Variants in DSCAM observed in about 807,000 individuals in gnomAD.
The protein encoded by DSCAM is cell adhesion molecule DSCAM.
DSCAM carries 47 observed loss-of-function variants against 217.7 expected under a neutral mutation model. The ratio of observed to expected loss-of-function variants is 0.22; its 90% confidence interval spans 0.17 to 0.28. DSCAM has a LOEUF of 0.28. Ranked by LOEUF, DSCAM falls within the 10% of genes least tolerant of loss-of-function variation. The probability of loss-of-function intolerance (pLI) is 1.00; values close to 1 mark genes in which losing one functional copy is unlikely to be tolerated. For synonymous variants in DSCAM, 1,056 were observed against 1,015.3 expected (o/e 1.04, Z -0.76); for missense variants, 2,080 against 2,618.3 (o/e 0.79, Z 4.49).
chr21:40,390,242 T>C lies in DSCAM; in HGVS notation c.509-20997A>G, dbSNP rs116495713. ...TATTCAATCAAAAACTACATTTTTG[T>C]TCTTTTGACTCTTCTTCACTGCACA... is the stretch of plus-strand genomic sequence containing the variant. On this transcript the variant is annotated intron_variant, in intron 3 of 32. Transcript: ENST00000400454. Among the ~76,000 whole-genome samples the C allele has an allele frequency of 3.0e-3, 459 of 152,340 alleles. 2 individuals are homozygous for C. Among genetic ancestry groups the C allele is most frequent in the African/African-American group, 0.011 (448 of 41,574 alleles).
intron 3 of DSCAM, among the ~76,000 whole-genome samples, chr21:40,535,673 C>T (rs1220344387): frequency 6.6e-6 from 1 of 152,162 alleles, no homozygotes; most frequent in African/African-American, 2.4e-5. Context: ...GGATAAGAGC[C>T]AATCCTTGCC....
intron 29 of DSCAM, among the ~76,000 whole-genome samples, chr21:40,052,926 T>C (rs892771091): frequency 6.6e-6 from 1 of 152,196 alleles, no homozygotes; most frequent in Non-Finnish European, 1.5e-5. Context: ...CCTTGTGATA[T>C]GTTTCATACT....
At chr21:40,836,575 A>T (rs2092058400) in intron 1 of DSCAM, among the ~76,000 whole-genome samples, 1 of 152,186 alleles carries the variant, frequency 6.6e-6, no homozygotes, top group Non-Finnish European at 1.5e-5. Context: ...TTACTACCCA[A>T]TACAGAGTTC....
At chr21:40,685,183 A>G (rs1049809162) in intron 3 of DSCAM, among the ~76,000 whole-genome samples, 6 of 152,226 alleles carry the variant, frequency 3.9e-5, no homozygotes, top group Non-Finnish European at 8.8e-5. Context: ...CGTTGAATGT[A>G]TGAAAATGAA....
chr21:40,546,269 G>A (rs1010871183), intron 3 of DSCAM, among the ~76,000 whole-genome samples: 36 of 152,218 alleles, frequency 2.4e-4, no homozygotes, highest in Non-Finnish European at 1.0e-4. Flanking sequence ...CACACTCAGG[G>A]TAGCTGTGAG....
At chr21:40,149,023 C>G (rs1262439697) in intron 16 of DSCAM, among the ~76,000 whole-genome samples, 1 of 152,110 alleles carries the variant, frequency 6.6e-6, no homozygotes, top group Admixed American at 6.5e-5. Context: ...CACTTTATCA[C>G]TATCCCAAAA....
At chr21:40,700,244 G>A (rs923030371) in intron 2 of DSCAM, among the ~76,000 whole-genome samples, 3 of 152,198 alleles carry the variant, frequency 2.0e-5, no homozygotes, top group Non-Finnish European at 4.4e-5. Context: ...GAATAGAAGT[G>A]GTGAGAGCAT....
At chr21:40,750,445 C>G (rs1413745878) in intron 1 of DSCAM, among the ~76,000 whole-genome samples, 3 of 152,148 alleles carry the variant, frequency 2.0e-5, no homozygotes, top group African/African-American at 7.2e-5. Context: ...TTCCTGATTT[C>G]TACGTTTTGA....
intron 3 of DSCAM, among the ~76,000 whole-genome samples, chr21:40,416,765 T>TA (rs2075375508): frequency 6.6e-6 from 1 of 151,832 alleles, no homozygotes; most frequent in Non-Finnish European, 1.5e-5. Context: ...GGAGAGGTAT[T>TA]ATACTACTCT....
At chr21:40,218,714 G>A (rs1268499332) in intron 11 of DSCAM, among the ~76,000 whole-genome samples, 1 of 151,944 alleles carries the variant, frequency 6.6e-6, no homozygotes, top group Non-Finnish European at 1.5e-5. Context: ...CACCTCCCTG[G>A]TTAGCTGGTA....
chr21:40,353,678 G>T lies in DSCAM; in HGVS notation c.721C>A (p.Arg241Ser), dbSNP rs771841156. 5 of 1,607,904 alleles carry T rather than the reference G, an allele frequency of 3.1e-6. No individual in the cohort carries two copies. The East Asian group carries it at 1.1e-4, about 36-fold the overall frequency. ...FDHRKAMAGQRVELPCKALGH... is the reference protein window; with the variant it reads ...FDHRKAMAGQSVELPCKALGH... ...AGCGCTTTGCAAGGCAGCTCCACAC[G>T]CTGCCCAGCCATGGCTTTGCGATGG... The change falls in exon 5 of 33, where the codon CGT becomes AGT. Residue 241 changes from arginine to serine, a missense_variant. Coordinates refer to ENST00000400454, the MANE Select transcript of DSCAM (RefSeq NM_001389.5).
At chr21:40,673,834 T>C (rs2090305925) in intron 3 of DSCAM, among the ~76,000 whole-genome samples, 1 of 152,150 alleles carries the variant, frequency 6.6e-6, no homozygotes, top group African/African-American at 2.4e-5. Context: ...CCCTGAGGCC[T>C]CCCCAGAAGC....
intron 3 of DSCAM, among the ~76,000 whole-genome samples, chr21:40,485,021 G>C (rs1375559752): frequency 3.3e-5 from 5 of 152,024 alleles, no homozygotes; most frequent in Non-Finnish European, 7.4e-5. Context: ...GCAGCTTTTA[G>C]AGACGCTTCC....
At chr21:40,587,091 ATAC>A (rs2076952249) in intron 3 of DSCAM, among the ~76,000 whole-genome samples, 1 of 117,310 alleles carries the variant, frequency 8.5e-6, no homozygotes, top group South Asian at 2.7e-4. Flanking sequence ...ATCAACAAAC[ATAC>A]AAAAAAGGCT....
intron 16 of DSCAM, among the ~76,000 whole-genome samples, chr21:40,147,587 T>C (rs577594895): frequency 2.0e-5 from 3 of 152,354 alleles, no homozygotes; most frequent in African/African-American, 7.2e-5. Context: ...AATAATTATC[T>C]CATTTTGTTT....
chr21:40,092,076 C>A (rs1015849396), intron 21 of DSCAM, among the ~76,000 whole-genome samples: 2 of 152,200 alleles, frequency 1.3e-5, no homozygotes, highest in Non-Finnish European at 2.9e-5. Flanking sequence ...TCTCCAAACC[C>A]TGTTTTCTTT....
At chr21:40,093,959 T>A in intron 20 of DSCAM, 85 bp from the exon 21 acceptor site, 1 of 1,389,406 alleles carries the variant, frequency 7.2e-7, no homozygotes, top group Non-Finnish European at 9.8e-7. Flanking sequence ...ATGAACATAT[T>A]AAATATCATA....
chr21:40,262,584 C>T (rs1262266389), intron 11 of DSCAM, among the ~76,000 whole-genome samples: 1 of 152,194 alleles, frequency 6.6e-6, no homozygotes, highest in African/African-American at 2.4e-5. Flanking sequence ...CTTGAACCTT[C>T]CCCCAAATCA....
At chr21:40,336,033 A>G (rs1399536312) in intron 8 of DSCAM, among the ~76,000 whole-genome samples, 1 of 152,206 alleles carries the variant, frequency 6.6e-6, no homozygotes, top group Non-Finnish European at 1.5e-5. Context: ...GAAACATAAC[A>G]GTTTTATTAC....
Sources: gnomAD v4.1 joint callset for allele counts (sites outside exome capture counted in the v4.1 genomes callset) on GRCh38, gnomAD v4.1.1 for gene constraint, MANE v1.5 for transcripts, NCBI Gene and HGNC (gene_info 2026-07-23, HGNC 2026-07-21) for gene names.